TSPAN18: variants seen among roughly 807,000 people sequenced by gnomAD.
TSPAN18 encodes the protein tetraspanin-18.
TSPAN18 carries 14 observed loss-of-function variants against 27.3 expected under a neutral mutation model. That is an observed-to-expected ratio of 0.51 (90% CI 0.34 to 0.80). The LOEUF (loss-of-function observed/expected upper bound fraction) is 0.80, where lower values mean the gene tolerates loss of function less well. TSPAN18 is among the 30% of genes least tolerant of loss of function. The pLI is 0.01. For synonymous variants in TSPAN18, 143 were observed against 136.5 expected, an observed-to-expected ratio of 1.05 and a Z score of -0.33; for missense variants, 268 against 323.9, an observed-to-expected ratio of 0.83 and a Z score of 1.32.
chr11:44,747,309 G>T (rs769350569), intron 1 of TSPAN18, among the ~76,000 whole-genome samples: 3 of 152,244 alleles, frequency 2.0e-5, no homozygotes, highest in Non-Finnish European at 2.9e-5. Flanking sequence ...TCGTTGCTTG[G>T]ATCTCAGCTG....
intron 2 of TSPAN18, among the ~76,000 whole-genome samples, chr11:44,811,509 G>A (rs1856715749): frequency 1.3e-5 from 2 of 150,584 alleles, no homozygotes; most frequent in African/African-American, 4.9e-5. Context: ...GCCCAGGCTG[G>A]AGTGCAATGG....
intron 3 of TSPAN18, among the ~76,000 whole-genome samples, chr11:44,870,460 C>T (rs559570619): frequency 2.0e-5 from 3 of 152,162 alleles, no homozygotes; most frequent in Non-Finnish European, 4.4e-5. Context: ...CTCATCGAGG[C>T]CCCTGAGTGC....
chr11:44,867,389 C>CTTTTT lies in TSPAN18; in HGVS notation c.-11+6943_-11+6947dup, dbSNP rs71038824. Among the ~76,000 whole-genome samples, 142 of 60,424 alleles carry CTTTTT rather than the reference C, an allele frequency of 2.4e-3. 29 individuals carry two copies. The highest frequency in any genetic ancestry group is 3.4e-3 in the Non-Finnish European group (122 of 35,968). The allele number at this position is 60,424 out of a possible 152,430, so 39.6% of individuals were successfully genotyped here. On this transcript the variant is annotated intron_variant, in intron 3 of 9. Coordinates refer to ENST00000520358, the MANE Select transcript of TSPAN18 (RefSeq NM_130783.5). ...ACTGGAGAAGGCTTGGTTTATGAAT[C>CTTTTT]TTTTTTTTTTTTTTTTTTTTTTTTT...
intron 5 of TSPAN18, among the ~76,000 whole-genome samples, chr11:44,910,756 C>T (rs942708742): frequency 3.1e-4 from 47 of 152,226 alleles, no homozygotes; most frequent in African/African-American, 1.1e-3. Context: ...GAAGATATGT[C>T]GGGGACCAGG....
In TSPAN18 at chr11:44,856,719, C is replaced by T. The variant is rs1465992260; in HGVS notation, c.-152-3609C>T. On this transcript the variant is annotated intron_variant, in intron 2 of 9. Coordinates refer to ENST00000520358, the MANE Select transcript of TSPAN18 (RefSeq NM_130783.5). ...CAAATGAGTGAATGTTCATGTTGCT[C>T]ATGGTCTCCAGGAAACAGAACTCCC... Among the ~76,000 whole-genome samples, 5 of 152,170 alleles carry T rather than the reference C, an allele frequency of 3.3e-5. No individual in the cohort carries two copies. In the East Asian group the frequency reaches 7.7e-4, roughly 23 times the overall value.
intron 3 of TSPAN18, among the ~76,000 whole-genome samples, chr11:44,873,885 G>A (rs1858259516): frequency 6.6e-6 from 1 of 152,204 alleles, no homozygotes; most frequent in African/African-American, 2.4e-5. Flanking sequence ...ACAGACATGA[G>A]GATTGGCCCC....
intron 2 of TSPAN18, among the ~76,000 whole-genome samples, chr11:44,812,027 A>G (rs112964441): frequency 9.8e-5 from 15 of 152,286 alleles, no homozygotes; most frequent in African/African-American, 3.4e-4. Context: ...TTCGGTGGAA[A>G]CAGGCCCTGT....
At chr11:44,728,630 G>A (rs1854578148) in intron 1 of TSPAN18, among the ~76,000 whole-genome samples, 1 of 152,136 alleles carries the variant, frequency 6.6e-6, no homozygotes, top group Non-Finnish European at 1.5e-5. Context: ...CATCCCCTGG[G>A]TCTGTGGTCT....
At chr11:44,778,303 C>T (rs1855861072) in intron 2 of TSPAN18, among the ~76,000 whole-genome samples, 1 of 151,746 alleles carries the variant, frequency 6.6e-6, no homozygotes, top group Non-Finnish European at 1.5e-5. Flanking sequence ...GGAGTTTCTC[C>T]CTCATCTCCC....
chr11:44,761,278 G>T (rs1465841767), intron 1 of TSPAN18, among the ~76,000 whole-genome samples: 1 of 152,152 alleles, frequency 6.6e-6, no homozygotes, highest in Non-Finnish European at 1.5e-5. Context: ...CTTACACTCT[G>T]CCACTTGCAC....
At chr11:44,832,991 C>T (rs1292120641) in intron 2 of TSPAN18, among the ~76,000 whole-genome samples, 4 of 152,130 alleles carry the variant, frequency 2.6e-5, no homozygotes, top group Non-Finnish European at 5.9e-5. Flanking sequence ...GCTGTCCTCT[C>T]CTGGGAATGC....
At chr11:44,876,640 G>A (rs1858340893) in intron 3 of TSPAN18, among the ~76,000 whole-genome samples, 1 of 152,206 alleles carries the variant, frequency 6.6e-6, no homozygotes, top group African/African-American at 2.4e-5. Context: ...AGAGTATGGG[G>A]TTTAAGTGGT....
At chr11:44,754,703 G>GCTCTGTGA (rs1174158656) in intron 1 of TSPAN18, among the ~76,000 whole-genome samples, 1 of 152,204 alleles carries the variant, frequency 6.6e-6, no homozygotes, top group African/African-American at 2.4e-5. Flanking sequence ...GGCAGCTTTG[G>GCTCTGTGA]CTCTGTGACT....
At chr11:44,855,341 C>T (rs1465339533) in intron 2 of TSPAN18, among the ~76,000 whole-genome samples, 1 of 152,178 alleles carries the variant, frequency 6.6e-6, no homozygotes, top group Non-Finnish European at 1.5e-5. Context: ...AGGCCTAGCA[C>T]AGCCAACTCT....
intron 3 of TSPAN18, among the ~76,000 whole-genome samples, chr11:44,896,773 C>T (rs1354430190): frequency 6.6e-6 from 1 of 152,060 alleles, no homozygotes; most frequent in Admixed American, 6.5e-5. Flanking sequence ...TCCTTGTCTC[C>T]TCCACGCTGC....
intron 2 of TSPAN18, among the ~76,000 whole-genome samples, chr11:44,796,269 G>A (rs1856347436): frequency 6.6e-6 from 1 of 152,180 alleles, no homozygotes; most frequent in Admixed American, 6.5e-5. Flanking sequence ...AGCGACCTGA[G>A]GTGTATGTTT....
chr11:44,798,687 G>C (rs1269310491), intron 2 of TSPAN18, among the ~76,000 whole-genome samples: 9 of 152,164 alleles, frequency 5.9e-5, no homozygotes, highest in Admixed American at 5.9e-4. Flanking sequence ...CATGGAATTG[G>C]AGAGTTTTAA....
intron 3 of TSPAN18, among the ~76,000 whole-genome samples, chr11:44,863,974 G>C (rs1192856724): frequency 2.6e-5 from 4 of 152,082 alleles, no homozygotes; most frequent in African/African-American, 7.2e-5. Flanking sequence ...ATAGGTGCCT[G>C]TTGGTCCATG....
chr11:44,826,502 A>G (rs921621580), intron 2 of TSPAN18, among the ~76,000 whole-genome samples: 10 of 152,236 alleles, frequency 6.6e-5, no homozygotes, highest in African/African-American at 1.7e-4. Context: ...CTGTATGTCT[A>G]TCGCCGGCAG....
Sources: gnomAD v4.1 joint callset for allele counts (sites outside exome capture counted in the v4.1 genomes callset) on GRCh38, gnomAD v4.1.1 for gene constraint, MANE v1.5 for transcripts, NCBI Gene and HGNC (gene_info 2026-07-23, HGNC 2026-07-21) for gene names.